Variants in NXPE2 observed in about 807,000 individuals in gnomAD.
NXPE2 encodes the protein neurexophilin and PC-esterase domain family member 2.
In NXPE2, 34 loss-of-function variants were observed where a neutral mutation model predicts 34.4. That is an observed-to-expected ratio of 0.99 (90% CI 0.75 to 1.31). NXPE2 has a LOEUF of 1.31. Among genes scored for constraint, NXPE2 ranks in the 40% most tolerant of loss-of-function variants. The pLI is 0.00. For missense variants in NXPE2, 649 were observed against 672.5 expected (o/e 0.97, Z 0.39); for synonymous variants, 235 against 231.3 (o/e 1.02, Z -0.15).
the NXPE2 span, among the ~76,000 whole-genome samples, chr11:114,745,900 T>G: frequency 6.6e-6 from 1 of 152,100 alleles, no homozygotes; most frequent in African/African-American, 2.4e-5. Flanking sequence ...GCTAAACATG[T>G]ATTATGCCTG....
chr11:114,474,550 T>C, the NXPE2 span, among the ~76,000 whole-genome samples: 1 of 152,170 alleles, frequency 6.6e-6, no homozygotes, highest in Non-Finnish European at 1.5e-5. Context: ...TATCATTGGA[T>C]TTAGCCATTC....
chr11:114,703,722 CAGACAGAT>C (rs1384382942), intron 3 of NXPE2, among the ~76,000 whole-genome samples: 50 of 145,280 alleles, frequency 3.4e-4, no homozygotes, highest in East Asian at 8.3e-4. Context: ...GATAGACAGA[CAGACAGAT>C]AGATAGATAG....
chr11:114,617,815 T>A, the NXPE2 span, among the ~76,000 whole-genome samples: 1 of 152,146 alleles, frequency 6.6e-6, no homozygotes, highest in Non-Finnish European at 1.5e-5. Context: ...GGATAATAAG[T>A]GTTGCCTCAT....
At chr11:114,753,501 A>G in the NXPE2 span, among the ~76,000 whole-genome samples, 1 of 152,224 alleles carries the variant, frequency 6.6e-6, no homozygotes, top group Non-Finnish European at 1.5e-5. Flanking sequence ...TTATCCTTTA[A>G]AAAAGTTATG....
chr11:114,528,928 C>T, the NXPE2 span: 1 of 502,762 alleles, frequency 2.0e-6, no homozygotes, highest in Non-Finnish European at 3.7e-6. Context: ...GATGTACCAT[C>T]AGAGATAAAA....
chr11:114,551,615 CAT>C, the NXPE2 span, among the ~76,000 whole-genome samples: 2 of 152,312 alleles, frequency 1.3e-5, no homozygotes, highest in East Asian at 3.9e-4. Flanking sequence ...TATTACAAAA[CAT>C]AATCTGTAAA....
chr11:114,518,097 G>T, the NXPE2 span: 1 of 152,230 alleles, frequency 6.6e-6, no homozygotes, highest in Non-Finnish European at 1.5e-5. Flanking sequence ...ATAAATTTTG[G>T]GTTGAATGTG....
the NXPE2 span, among the ~76,000 whole-genome samples, chr11:114,592,640 AAAATACC>A: frequency 6.6e-6 from 1 of 152,178 alleles, no homozygotes; most frequent in Non-Finnish European, 1.5e-5. Flanking sequence ...AAACCCTATC[AAAATACC>A]AATAATATTC....
the NXPE2 span, among the ~76,000 whole-genome samples, chr11:114,594,208 A>G: frequency 3.5e-3 from 536 of 152,270 alleles, 3 homozygotes; most frequent in African/African-American, 0.012. Context: ...ACAAGAAAGG[A>G]TAAATTCTTG....
At chr11:114,529,158 C>A in the NXPE2 span, 1 of 219,322 alleles carries the variant, frequency 4.6e-6, no homozygotes, top group Non-Finnish European at 8.9e-6. Flanking sequence ...GTGAACCTAG[C>A]ATTCTACTCT....
the NXPE2 span, among the ~76,000 whole-genome samples, chr11:114,667,503 G>A: frequency 6.6e-6 from 1 of 152,102 alleles, no homozygotes; most frequent in East Asian, 1.9e-4. Context: ...CACCTCTTGA[G>A]TAATAATGGA....
the NXPE2 span, among the ~76,000 whole-genome samples, chr11:114,808,996 T>C: frequency 1.3e-5 from 2 of 152,166 alleles, no homozygotes; most frequent in Non-Finnish European, 2.9e-5. Context: ...TTATCCACCA[T>C]GATCAAGTGG....
chr11:114,566,219 G>A, the NXPE2 span, among the ~76,000 whole-genome samples: 1 of 151,540 alleles, frequency 6.6e-6, no homozygotes, highest in Non-Finnish European at 1.5e-5. Context: ...GGAAATCATC[G>A]ATAGTATTTA....
the NXPE2 span, among the ~76,000 whole-genome samples, chr11:114,514,828 CCTCT>C: frequency 6.6e-6 from 1 of 152,186 alleles, no homozygotes; most frequent in East Asian, 1.9e-4. Flanking sequence ...CCAACTTTTT[CCTCT>C]CTATGACTGT....
chr11:114,673,427 T>A, the NXPE2 span, among the ~76,000 whole-genome samples: 1 of 150,898 alleles, frequency 6.6e-6, no homozygotes, highest in Non-Finnish European at 1.5e-5. Flanking sequence ...CACTGGAAAA[T>A]GTAGAGCAAA....
At chr11:114,686,676 T>A (rs1247473808) in intron 2 of NXPE2, among the ~76,000 whole-genome samples, 1 of 152,208 alleles carries the variant, frequency 6.6e-6, no homozygotes, top group Non-Finnish European at 1.5e-5. Flanking sequence ...TATTTTTAGT[T>A]ATTTGAGAAA....
the NXPE2 span, among the ~76,000 whole-genome samples, chr11:114,791,018 G>A: frequency 2.0e-5 from 3 of 151,728 alleles, no homozygotes; most frequent in African/African-American, 7.3e-5. Flanking sequence ...GGCAGAGAGA[G>A]TTTCACAAAG....
chr11:114,556,269 T>C, the NXPE2 span, among the ~76,000 whole-genome samples: 32,541 of 152,104 alleles, frequency 0.21, 4,720 homozygotes, highest in African/African-American at 0.4. Flanking sequence ...ACGTTCCTCC[T>C]TTTTACTGGA....
chr11:114,497,626 G>T, the NXPE2 span, among the ~76,000 whole-genome samples: 1 of 152,202 alleles, frequency 6.6e-6, no homozygotes, highest in Non-Finnish European at 1.5e-5. Context: ...GCCTAGGTGT[G>T]TGGTAGGCTA....
Sources: allele counts gnomAD v4.1 joint callset (sites outside exome capture counted in the v4.1 genomes callset), GRCh38; gene constraint gnomAD v4.1.1; transcripts MANE v1.5; gene names NCBI Gene and HGNC (gene_info 2026-07-23, HGNC 2026-07-21).